Variants in SV2B observed in about 807,000 individuals in gnomAD.
The protein encoded by SV2B is synaptic vesicle glycoprotein 2B, also known as solute carrier family 22 member B2.
SV2B carries 41 observed loss-of-function variants against 73.9 expected under a neutral mutation model. The observed-to-expected ratio is 0.56, with a 90% CI of 0.43 to 0.72. The LOEUF is 0.72. SV2B is among the 30% of genes least tolerant of loss of function. The probability of loss-of-function intolerance (pLI) is 0.00; values close to 1 mark genes in which losing one functional copy is unlikely to be tolerated. For synonymous variants in SV2B, 314 were observed against 314.2 expected (o/e 1.00, Z 0.01); for missense variants, 764 against 857.8 (o/e 0.89, Z 1.37).
intron 4 of SV2B, among the ~76,000 whole-genome samples, chr15:91,255,629 T>A (rs907445893): frequency 2.0e-5 from 3 of 152,110 alleles, no homozygotes; most frequent in Admixed American, 1.3e-4. Context: ...AATAAAAAAT[T>A]AAAAAAATTA....
chr15:91,139,318 T>C lies in SV2B; in HGVS notation c.-392+38955T>C, dbSNP rs901230333. Among the ~76,000 whole-genome samples, 2 of 152,042 alleles carry C rather than the reference T, an allele frequency of 1.3e-5. No individual in the cohort carries two copies. The highest frequency in any genetic ancestry group is 4.8e-5 in the African/African-American group (2 of 41,430). On this transcript the variant is annotated intron_variant, in intron 1 of 12. Coordinates refer to ENST00000394232, the MANE Select transcript of SV2B (RefSeq NM_001323032.3). This position sits in a 1 kb window ranked among gnomAD's most constrained non-coding sequence, Gnocchi z 5.2. ...TTAAATTATTCTCTCTACTTTTGAA[T>C]GTGCTTGCAAATTTCCACAATAAAA...
chr15:91,110,891 A>G lies in SV2B; in HGVS notation c.-392+10528A>G, dbSNP rs1162304104. On this transcript the variant is annotated intron_variant, in intron 1 of 12. Transcript: ENST00000394232. The surrounding 1 kb of genome is among the most constrained non-coding windows in gnomAD (Gnocchi z 5.4). ...AAACATGAAGCTTTAAGGAAAGGAA[A>G]GCTATAGGGTAGCAATGTAAAGGCA... Among the ~76,000 whole-genome samples, 2 of 152,246 alleles carry G rather than the reference A, an allele frequency of 1.3e-5. No individual in the cohort carries two copies. The highest frequency in any genetic ancestry group is 2.9e-5 in the Non-Finnish European group (2 of 68,044).
At chr15:91,180,637 T>G (rs2044514453) in intron 1 of SV2B, among the ~76,000 whole-genome samples, 1 of 152,254 alleles carries the variant, frequency 6.6e-6, no homozygotes, top group South Asian at 2.1e-4. Flanking sequence ...CTTCATTTCA[T>G]TCATTTCATC....
At position 91,132,888 on chromosome 15, in the gene SV2B, T is replaced by C. The variant is rs1215999717; in HGVS notation, c.-392+32525T>C. On this transcript the variant is annotated intron_variant, in intron 1 of 12. Coordinates refer to ENST00000394232, the MANE Select transcript of SV2B (RefSeq NM_001323032.3). This position sits in a 1 kb window ranked among gnomAD's most constrained non-coding sequence, Gnocchi z 4.6. Reference sequence around the variant, plus strand: ...TTAATGTAGGGCTGAAAATTGTGCATGTCTCTGGTTCCTCATGGGAATTGG... The same window carrying C: ...TTAATGTAGGGCTGAAAATTGTGCACGTCTCTGGTTCCTCATGGGAATTGG... Among the ~76,000 whole-genome samples, 1 of 152,134 alleles carries C rather than the reference T, an allele frequency of 6.6e-6. No individual in the cohort carries two copies. Among genetic ancestry groups the C allele is most frequent in the Non-Finnish European group, 1.5e-5 (1 of 68,010 alleles).
intron 1 of SV2B, among the ~76,000 whole-genome samples, chr15:91,158,545 C>G (rs1252115843): frequency 1.3e-5 from 2 of 151,490 alleles, no homozygotes; most frequent in Non-Finnish European, 2.9e-5. Context: ...TAGTTAGTGA[C>G]AAGAGTGCCT....
rs2041752650 is a variant in SV2B at position 91,102,317 on chromosome 15, C to T, written c.-392+1954C>T. 3 of 152,192 alleles carry T rather than the reference C, an allele frequency of 2.0e-5. No homozygotes were observed. In the South Asian group the frequency reaches 6.2e-4, roughly 32 times the overall value. 9.4% of individuals were successfully genotyped at this position (152,192 alleles called of 1,614,324 possible). On this transcript the variant is annotated intron_variant, in intron 1 of 12. Transcript: ENST00000394232. ...CATGAGCGTGGATGCTCAAACAGACCTAGGTGAGTGTCTTGGGCAAGTTAC... is the reference window on the plus strand; with the variant it reads ...CATGAGCGTGGATGCTCAAACAGACTTAGGTGAGTGTCTTGGGCAAGTTAC...
At position 91,268,418 on chromosome 15, in the gene SV2B, A is replaced by T; in HGVS notation, c.1209-23A>T. On this transcript the variant is annotated intron_variant, in intron 8 of 12. Coordinates refer to ENST00000394232, the MANE Select transcript of SV2B (RefSeq NM_001323032.3). This position sits in a 1 kb window ranked among gnomAD's most constrained non-coding sequence, Gnocchi z 4.4. Reference sequence around the variant, plus strand: ...AAGAATGAATCCTGTTGTTGTTGCAACCTTCTGCCTTCTCCACTCCAGTTA... The same window carrying T: ...AAGAATGAATCCTGTTGTTGTTGCATCCTTCTGCCTTCTCCACTCCAGTTA... 6.3e-7 allele frequency: 1 copy of T among 1,599,596 alleles called. No homozygotes were observed. The highest frequency in any genetic ancestry group is 8.6e-7 in the Non-Finnish European group (1 of 1,169,304).
At chr15:91,274,506 GGTGCGGTA>G (rs1258847557) in intron 9 of SV2B, among the ~76,000 whole-genome samples, 1 of 152,082 alleles carries the variant, frequency 6.6e-6, no homozygotes, top group Non-Finnish European at 1.5e-5. Context: ...TGTATATTCA[GGTGCGGTA>G]GTTCTTGTTT....
chr15:91,251,712 A>T (rs2047488267), intron 2 of SV2B, 107 bp from the exon 3 acceptor site: 3 of 1,304,742 alleles, frequency 2.3e-6, no homozygotes, highest in Admixed American at 2.6e-5. Context: ...TCTATGACAC[A>T]GAAATTCTAG....
rs992767221 is a variant in SV2B, at chr15:91,232,225, C to T, written c.451+5511C>T. 6.6e-6 allele frequency among the ~76,000 whole-genome samples: 1 copy of T among 152,168 alleles called. No individual in the cohort carries two copies. Among genetic ancestry groups the T allele is most frequent in the Admixed American group, 6.5e-5 (1 of 15,284 alleles). On this transcript the variant is annotated intron_variant, in intron 2 of 12. Transcript: ENST00000394232. The surrounding 1 kb of genome is among the most constrained non-coding windows in gnomAD (Gnocchi z 4.7). ...ACCTACTTACTCATGATGGTGAAATCCACCACTGGGAATGTCCATGTATTT... is the reference window on the plus strand; with the variant it reads ...ACCTACTTACTCATGATGGTGAAATTCACCACTGGGAATGTCCATGTATTT...
chr15:91,148,162 G>T (rs991046250), intron 1 of SV2B, among the ~76,000 whole-genome samples: 3 of 151,486 alleles, frequency 2.0e-5, no homozygotes, highest in Non-Finnish European at 4.4e-5. Context: ...TGTATTTTTA[G>T]TAGAGACGGG....
rs377759176 is a variant in SV2B at position 91,293,366 on chromosome 15, C to T, written c.*814C>T. ...TGTTTGAGGTCCCAGGAAATGAGGT[C>T]TGATCAAATGAAATGCAAGCACAAT... On this transcript the variant is annotated 3_prime_UTR_variant, in exon 13 of 13. Coordinates refer to ENST00000394232, the MANE Select transcript of SV2B (RefSeq NM_001323032.3). 1 of 152,314 alleles carries T rather than the reference C, an allele frequency of 6.6e-6. No individual in the cohort carries two copies. The highest frequency in any genetic ancestry group is 6.5e-5 in the Admixed American group (1 of 15,304). The allele number at this position is 152,314 out of a possible 1,614,324, so 9.4% of individuals were successfully genotyped here. A position where few individuals can be genotyped will look rare whatever the true frequency, so the allele number is the denominator to read the frequency against.
chr15:91,131,136 G>T (rs1486118213), intron 1 of SV2B, among the ~76,000 whole-genome samples: 2 of 139,782 alleles, frequency 1.4e-5, no homozygotes, highest in East Asian at 2.2e-4. Flanking sequence ...TCAGGGAAAA[G>T]ATGTTTTCTT....
chr15:91,198,405 G>A (rs181944929), intron 1 of SV2B, among the ~76,000 whole-genome samples: 1 of 150,730 alleles, frequency 6.6e-6, no homozygotes, highest in Non-Finnish European at 1.5e-5. Flanking sequence ...TTTTCTCATT[G>A]CTTTTTCTTC....
chr15:91,262,258 CAAA>C (rs1054762318), intron 6 of SV2B, among the ~76,000 whole-genome samples: 10 of 149,992 alleles, frequency 6.7e-5, no homozygotes, highest in African/African-American at 2.0e-4. Flanking sequence ...CACCAAAAAA[CAAA>C]AACAAAAACA....
At chr15:91,286,928 C>A (rs2048879079) in intron 11 of SV2B, among the ~76,000 whole-genome samples, 1 of 152,134 alleles carries the variant, frequency 6.6e-6, no homozygotes, top group African/African-American at 2.4e-5. Context: ...GCCTCCCTGA[C>A]TATTAGCTGA....
intron 1 of SV2B, among the ~76,000 whole-genome samples, chr15:91,119,553 G>T (rs1250256707): frequency 6.6e-6 from 1 of 152,210 alleles, no homozygotes; most frequent in Non-Finnish European, 1.5e-5. Flanking sequence ...CCAGGTGGCT[G>T]GTTTCCTTAT....
chr15:91,168,329 A>G (rs150594977), intron 1 of SV2B, among the ~76,000 whole-genome samples: 4 of 152,004 alleles, frequency 2.6e-5, no homozygotes, highest in Admixed American at 1.3e-4. Flanking sequence ...AGAGAGAGAG[A>G]GAAAAGAAAT....
chr15:91,216,734 G>A (rs978564176), intron 1 of SV2B, among the ~76,000 whole-genome samples: 1 of 150,760 alleles, frequency 6.6e-6, no homozygotes, highest in Admixed American at 6.6e-5. Flanking sequence ...GCCTCCCAAA[G>A]TGCTAGCCAC....
Sources: gnomAD v4.1 joint callset for allele counts (sites outside exome capture counted in the v4.1 genomes callset) on GRCh38, gnomAD v4.1.1 for gene constraint, Gnocchi (gnomAD v3.1) non-coding constraint, MANE v1.5 for transcripts, NCBI Gene and HGNC (gene_info 2026-07-23, HGNC 2026-07-21) for gene names.